HIVEP3: variants seen among roughly 807,000 people sequenced by gnomAD.
HIVEP3 encodes transcription factor HIVEP3.
Under a neutral mutation model 152.8 loss-of-function variants are expected in HIVEP3, and 49 were observed. That is an observed-to-expected ratio of 0.32 (90% confidence interval 0.26 to 0.41). HIVEP3 has a LOEUF of 0.41. Ranked by LOEUF, HIVEP3 falls within the 10% of genes least tolerant of loss-of-function variation. The probability of loss-of-function intolerance (pLI) is 1.00; values close to 1 mark genes in which losing one functional copy is unlikely to be tolerated. For synonymous variants in HIVEP3, 1,269 were observed against 1,289.0 expected, an observed-to-expected ratio of 0.98 and a Z score of 0.33; for missense variants, 2,790 against 3,103.3, an observed-to-expected ratio of 0.90 and a Z score of 2.40.
chr1:41,553,015 C>T (rs954329172), intron 5 of HIVEP3, among the ~76,000 whole-genome samples: 5 of 152,106 alleles, frequency 3.3e-5, no homozygotes, highest in East Asian at 1.9e-4. Context: ...CTATTAGGTC[C>T]GCTTGGTGCA....
intron 1 of HIVEP3, among the ~76,000 whole-genome samples, chr1:41,875,357 G>T (rs926302006): frequency 6.6e-6 from 1 of 152,210 alleles, no homozygotes; most frequent in Non-Finnish European, 1.5e-5. Context: ...CATCCATCCT[G>T]CTCCTGGCCA....
chr1:41,868,057 G>A (rs192903359), intron 1 of HIVEP3, among the ~76,000 whole-genome samples: 4 of 152,010 alleles, frequency 2.6e-5, no homozygotes, highest in African/African-American at 7.2e-5. Context: ...GCCCCAACTG[G>A]CCCGCATGGC....
rs184449771 is a variant in HIVEP3 at position 41,769,250 on chromosome 1, C to T, written c.-800-68255G>A. On this transcript the variant is annotated intron_variant, in intron 1 of 8. Coordinates refer to ENST00000372583, the MANE Select transcript of HIVEP3 (RefSeq NM_024503.5). ...AAAGCATTGTCCACTTTCCAAAGCA[C>T]GTGCACCTCCCTCAGCCCATCTGGC... 7.0e-4 allele frequency among the ~76,000 whole-genome samples: 106 copies of T among 152,338 alleles called. No individual in the cohort carries two copies. The Middle Eastern group carries it at 0.014, about 20-fold the overall frequency.
chr1:41,593,007 C>A (rs578162941), intron 3 of HIVEP3, among the ~76,000 whole-genome samples: 1 of 152,292 alleles, frequency 6.6e-6, no homozygotes, highest in Admixed American at 6.5e-5. Flanking sequence ...CATCAATCCC[C>A]AAATCTGGTT....
intron 1 of HIVEP3, among the ~76,000 whole-genome samples, chr1:41,765,893 G>C (rs1384564027): frequency 6.6e-6 from 1 of 152,210 alleles, no homozygotes; most frequent in African/African-American, 2.4e-5. Flanking sequence ...TTTGCGGGGA[G>C]CACCCCTGTC....
chr1:41,963,695 C>T (rs1416806022), intron 1 of HIVEP3, among the ~76,000 whole-genome samples: 1 of 152,128 alleles, frequency 6.6e-6, no homozygotes, highest in Non-Finnish European at 1.5e-5. Flanking sequence ...TCACTCCAAG[C>T]TGATAACCAC....
intron 1 of HIVEP3, among the ~76,000 whole-genome samples, chr1:41,750,613 C>T (rs898513403): frequency 2.6e-5 from 4 of 152,128 alleles, no homozygotes; most frequent in Non-Finnish European, 5.9e-5. Context: ...GTAGGCTTCC[C>T]ACCTGCAGTT....
intron 2 of HIVEP3, among the ~76,000 whole-genome samples, chr1:41,645,940 C>G (rs1450036582): frequency 2.0e-5 from 3 of 152,152 alleles, no homozygotes; most frequent in Non-Finnish European, 2.9e-5. Flanking sequence ...CACATTTGCA[C>G]GACCCCGAGG....
At chr1:41,898,646 G>C (rs1339246315) in intron 1 of HIVEP3, among the ~76,000 whole-genome samples, 1 of 152,218 alleles carries the variant, frequency 6.6e-6, no homozygotes, top group Non-Finnish European at 1.5e-5. Flanking sequence ...CGTGGAATAA[G>C]TCCTCTCTGA....
At chr1:41,633,727 T>A (rs906685316) in intron 2 of HIVEP3, among the ~76,000 whole-genome samples, 6 of 152,184 alleles carry the variant, frequency 3.9e-5, no homozygotes, top group African/African-American at 1.4e-4. Flanking sequence ...GACTACTGTG[T>A]TCCTTACACA....
intron 2 of HIVEP3, among the ~76,000 whole-genome samples, chr1:41,631,309 G>T (rs996533552): frequency 6.6e-6 from 1 of 152,142 alleles, no homozygotes; most frequent in Non-Finnish European, 1.5e-5. Context: ...GCTGTGCCTG[G>T]CAAGTGGGGC....
chr1:41,779,726 A>G (rs1205156744), intron 1 of HIVEP3, among the ~76,000 whole-genome samples: 1 of 152,204 alleles, frequency 6.6e-6, no homozygotes, highest in East Asian at 1.9e-4. Flanking sequence ...CAACCTCCTG[A>G]CCTCAAATGA....
chr1:41,516,469 T>C (rs1642609409), intron 7 of HIVEP3, among the ~76,000 whole-genome samples: 1 of 152,166 alleles, frequency 6.6e-6, no homozygotes, highest in African/African-American at 2.4e-5. Flanking sequence ...CCTCCATGGC[T>C]CCTTTTCGTT....
At chr1:41,629,819 G>A (rs764408974) in intron 2 of HIVEP3, among the ~76,000 whole-genome samples, 108 of 149,658 alleles carry the variant, frequency 7.2e-4, no homozygotes, top group Non-Finnish European at 7.0e-4. Flanking sequence ...GCTTATACGC[G>A]GTTGGCAGGA....
chr1:41,885,768 C>A (rs1279853230), intron 1 of HIVEP3, among the ~76,000 whole-genome samples: 1 of 147,212 alleles, frequency 6.8e-6, no homozygotes, highest in Non-Finnish European at 1.5e-5. Flanking sequence ...CCTTCCATTC[C>A]CTTCCTTTCC....
At chr1:41,760,086 T>C (rs1332933104) in intron 1 of HIVEP3, among the ~76,000 whole-genome samples, 2 of 152,102 alleles carry the variant, frequency 1.3e-5, no homozygotes, top group African/African-American at 4.8e-5. Context: ...GGCAGTAGGA[T>C]TGCTTGAGCC....
chr1:41,676,544 G>A (rs1182037115), intron 2 of HIVEP3, among the ~76,000 whole-genome samples: 1 of 152,120 alleles, frequency 6.6e-6, no homozygotes, highest in Admixed American at 6.5e-5. Flanking sequence ...AAGATTTAAG[G>A]GATAAGCCAA....
intron 1 of HIVEP3, among the ~76,000 whole-genome samples, chr1:41,762,330 T>C (rs1177230717): frequency 1.3e-5 from 2 of 152,166 alleles, no homozygotes; most frequent in Non-Finnish European, 2.9e-5. Flanking sequence ...GGACAAGAAC[T>C]TGGGACCCAC....
chr1:41,970,076 T>C (rs2366059), intron 1 of HIVEP3, among the ~76,000 whole-genome samples: 23 of 152,332 alleles, frequency 1.5e-4, no homozygotes, highest in African/African-American at 5.5e-4. Context: ...AGGAATGTTT[T>C]TACATTGTTG....
Sources: gnomAD v4.1 joint callset for allele counts (sites outside exome capture counted in the v4.1 genomes callset) on GRCh38, gnomAD v4.1.1 for gene constraint, MANE v1.5 for transcripts, NCBI Gene and HGNC (gene_info 2026-07-23, HGNC 2026-07-21) for gene names.